The following ST3GAL3 variants were observed in gnomAD, a reference collection of about 807,000 sequenced individuals.
ST3GAL3 encodes ST3 beta-galactoside alpha-2,3-sialyltransferase 3, also known as CMP-N-acetylneuraminate-beta-1,4-galactoside alpha-2,3-sialyltransferase.
ST3GAL3 carries 21 observed loss-of-function variants against 50.1 expected under a neutral mutation model. That is an observed-to-expected ratio of 0.42 (90% CI 0.30 to 0.60). The LOEUF (loss-of-function observed/expected upper bound fraction) is 0.60. ST3GAL3 is among the 20% of genes least tolerant of loss of function. ST3GAL3 has a pLI of 0.19. For missense variants in ST3GAL3, 353 were observed against 489.4 expected, an observed-to-expected ratio of 0.72 and a Z score of 2.63; for synonymous variants, 183 against 190.0, an observed-to-expected ratio of 0.96 and a Z score of 0.30.
chr1:43,911,517 A>ATATAGATATCTATAGACATATCTGTAGC lies in ST3GAL3; in HGVS notation c.745-8842_745-8815dup, dbSNP rs1422641464. ...TATATAGATATAGATACATCTATAG[A>ATATAGATATCTATAGACATATCTGTAGC]TATAGATATCTATAGACATATCTGT... On this transcript the variant is annotated intron_variant, in intron 9 of 11. Coordinates refer to ENST00000347631, the MANE Select transcript of ST3GAL3 (RefSeq NM_006279.5). Among the ~76,000 whole-genome samples the ATATAGATATCTATAGACATATCTGTAGC allele has an allele frequency of 2.6e-4, 32 of 122,872 alleles. 2 individuals carry two copies. Among genetic ancestry groups the ATATAGATATCTATAGACATATCTGTAGC allele is most frequent in the African/African-American group, 8.3e-4 (26 of 31,160 alleles). 80.6% of individuals were successfully genotyped at this position (122,872 alleles called of 152,430 possible).
At chr1:43,765,786 C>T (rs803963) in intron 2 of ST3GAL3, among the ~76,000 whole-genome samples, 26,710 of 116,248 alleles carry the variant, frequency 0.23, 2,959 homozygotes, top group Admixed American at 0.39. Context: ...TGTGTGTGTG[C>T]GCGCGCGCGC....
chr1:43,799,008 A>G (rs1276500178), intron 3 of ST3GAL3, among the ~76,000 whole-genome samples: 4 of 152,246 alleles, frequency 2.6e-5, no homozygotes, highest in Non-Finnish European at 5.9e-5. Flanking sequence ...ATGCAGTTTT[A>G]CTTTTATTGA....
intron 4 of ST3GAL3, among the ~76,000 whole-genome samples, chr1:43,820,670 C>A (rs568770606): frequency 1.3e-5 from 2 of 152,212 alleles, no homozygotes; most frequent in South Asian, 4.1e-4. Flanking sequence ...TTAGAATTCC[C>A]TGCTGCTTGT....
At chr1:43,716,390 T>C (rs899381842) in intron 1 of ST3GAL3, 4 of 152,204 alleles carry the variant, frequency 2.6e-5, no homozygotes. Context: ...GAAAACTTTT[T>C]CGTGGTGCAG....
chr1:43,777,955 C>T (rs1007274004), intron 2 of ST3GAL3, among the ~76,000 whole-genome samples: 2 of 152,232 alleles, frequency 1.3e-5, no homozygotes, highest in South Asian at 4.1e-4. Context: ...ATAAATCATT[C>T]TATTATAGAG....
At chr1:43,707,779 C>T (rs973151186) in intron 1 of ST3GAL3, 86 bp downstream of exon 1, 2 of 152,052 alleles carry the variant, frequency 1.3e-5, no homozygotes, top group Non-Finnish European at 2.9e-5. Flanking sequence ...CCCCGCCGGC[C>T]GCGGGTCCCG....
chr1:43,926,239 C>T (rs767027927), intron 11 of ST3GAL3, among the ~76,000 whole-genome samples: 3 of 152,188 alleles, frequency 2.0e-5, no homozygotes, highest in Non-Finnish European at 2.9e-5. Flanking sequence ...AAGCGCGGCT[C>T]ATCCTGGCAG....
chr1:43,922,972 G>A (rs553994905), intron 11 of ST3GAL3, among the ~76,000 whole-genome samples: 1 of 151,358 alleles, frequency 6.6e-6, no homozygotes, highest in Non-Finnish European at 1.5e-5. Flanking sequence ...ATGGTGGCAG[G>A]TGCCTGTAGT....
chr1:43,800,022 T>C (rs1250259196), intron 3 of ST3GAL3, among the ~76,000 whole-genome samples: 1 of 152,156 alleles, frequency 6.6e-6, no homozygotes, highest in Non-Finnish European at 1.5e-5. Flanking sequence ...GGGCTCCTTC[T>C]GTAGCCTGTG....
chr1:43,775,856 C>A (rs1697034039), intron 2 of ST3GAL3, among the ~76,000 whole-genome samples: 1 of 151,710 alleles, frequency 6.6e-6, no homozygotes, highest in South Asian at 2.1e-4. Context: ...TTATGACTTT[C>A]ACTGATCTTC....
chr1:43,823,398 TC>T (rs781589590), intron 4 of ST3GAL3, among the ~76,000 whole-genome samples: 8 of 152,174 alleles, frequency 5.3e-5, no homozygotes, highest in Non-Finnish European at 1.0e-4. Context: ...CCAGACCTGT[TC>T]CCGCCTCAGA....
intron 5 of ST3GAL3, among the ~76,000 whole-genome samples, chr1:43,862,632 G>C (rs2154235147): frequency 6.6e-6 from 1 of 152,068 alleles, no homozygotes; most frequent in South Asian, 2.1e-4. Flanking sequence ...GCAGAGCCAG[G>C]CGCAGTGGCT....
intron 2 of ST3GAL3, among the ~76,000 whole-genome samples, chr1:43,757,227 C>T (rs1688465999): frequency 6.6e-6 from 1 of 152,094 alleles, no homozygotes; most frequent in Non-Finnish European, 1.5e-5. Context: ...TAAAATGCAG[C>T]ACATTCTCTC....
At chr1:43,826,026 A>C (rs529930927) in intron 4 of ST3GAL3, among the ~76,000 whole-genome samples, 92 of 152,144 alleles carry the variant, frequency 6.0e-4, no homozygotes, top group African/African-American at 1.9e-3. Flanking sequence ...AGCACTTTGG[A>C]AGGCTGAGGC....
At chr1:43,910,105 GTC>G (rs2080536561) in intron 9 of ST3GAL3, among the ~76,000 whole-genome samples, 1 of 152,224 alleles carries the variant, frequency 6.6e-6, no homozygotes, top group Non-Finnish European at 1.5e-5. Flanking sequence ...GGAAGGAAAA[GTC>G]TGTGCACAAA....
At chr1:43,922,067 G>C (rs982472802) in intron 11 of ST3GAL3, 3 of 232,506 alleles carry the variant, frequency 1.3e-5, no homozygotes, top group Non-Finnish European at 2.5e-5. Flanking sequence ...TCTGATCTAC[G>C]CCTTAAAATT....
chr1:43,761,821 G>C (rs1690504357), intron 2 of ST3GAL3, among the ~76,000 whole-genome samples: 1 of 151,540 alleles, frequency 6.6e-6, no homozygotes, highest in Admixed American at 6.6e-5. Context: ...CATGGTGGTG[G>C]GCGCCTGTAG....
chr1:43,720,770 C>T (rs1412613093), intron 1 of ST3GAL3, among the ~76,000 whole-genome samples: 1 of 152,186 alleles, frequency 6.6e-6, no homozygotes, highest in African/African-American at 2.4e-5. Flanking sequence ...TAGTTACATA[C>T]CCTCTTCCAC....
chr1:43,807,185 G>A (rs1255032123), intron 3 of ST3GAL3, among the ~76,000 whole-genome samples: 5 of 152,096 alleles, frequency 3.3e-5, no homozygotes, highest in African/African-American at 1.2e-4. Context: ...GGGAGGTTGA[G>A]GCAGGCGGAT....
Sources: allele counts gnomAD v4.1 joint callset (sites outside exome capture counted in the v4.1 genomes callset), GRCh38; gene constraint gnomAD v4.1.1; transcripts MANE v1.5; gene names NCBI Gene and HGNC (gene_info 2026-07-23, HGNC 2026-07-21).